Variants in NREP observed in about 807,000 individuals in gnomAD.
NREP encodes neuronal regeneration related protein.
In NREP, 5 loss-of-function variants were observed where a neutral mutation model predicts 8.6. The observed-to-expected ratio is 0.58, with a 90% CI of 0.30 to 1.22. The LOEUF is 1.22. Among genes scored for constraint, NREP ranks in the 50% most tolerant of loss-of-function variants. The probability of loss-of-function intolerance (pLI) is 0.07; values close to 1 mark genes in which losing one functional copy is unlikely to be tolerated. For synonymous variants in NREP, 27 were observed against 28.0 expected (o/e 0.96, Z 0.11); for missense variants, 86 against 82.5 (o/e 1.04, Z -0.17).
chr5:111,794,530 G>T (rs991469521), intron 2 of NREP, among the ~76,000 whole-genome samples: 1 of 152,226 alleles, frequency 6.6e-6, no homozygotes, highest in Non-Finnish European at 1.5e-5. Context: ...GAAAAGACGC[G>T]AAGGAAACTT....
intron 2 of NREP, among the ~76,000 whole-genome samples, chr5:111,881,983 T>C (rs1371429333): frequency 1.3e-5 from 2 of 152,216 alleles, no homozygotes; most frequent in Admixed American, 6.5e-5. Flanking sequence ...GGACAGAGAA[T>C]GACTTTGACG....
intron 2 of NREP, among the ~76,000 whole-genome samples, chr5:111,838,217 T>C (rs1013834509): frequency 2.0e-5 from 3 of 152,184 alleles, no homozygotes; most frequent in African/African-American, 7.2e-5. Flanking sequence ...ATTCTTTTTA[T>C]TTGCAGAATG....
chr5:111,880,837 T>C (rs1213327234), intron 2 of NREP, among the ~76,000 whole-genome samples: 1 of 144,680 alleles, frequency 6.9e-6, no homozygotes, highest in African/African-American at 2.6e-5. Flanking sequence ...CCCAGGCTCA[T>C]AGAGGCAGCC....
chr5:111,911,215 T>C (rs186125967), intron 2 of NREP, among the ~76,000 whole-genome samples: 2 of 152,230 alleles, frequency 1.3e-5, no homozygotes, highest in Non-Finnish European at 2.9e-5. Context: ...CTGTACCCAA[T>C]GTTCTTGATA....
chr5:111,967,661 C>T (rs1157375929), intron 2 of NREP, among the ~76,000 whole-genome samples: 3 of 152,166 alleles, frequency 2.0e-5, no homozygotes, highest in African/African-American at 4.8e-5. Flanking sequence ...TGAGGAGCGC[C>T]TCTGCCCAGC....
At chr5:111,732,644 A>G (rs899102795) in intron 3 of NREP, 1 of 143,866 alleles carries the variant, frequency 7.0e-6, no homozygotes, top group South Asian at 2.3e-4. Flanking sequence ...GAATCTTGGT[A>G]CACAGTCCCA....
Position 111,854,601 on chromosome 5 carries a change from A to G in NREP, c.136-119094T>C, listed in dbSNP as rs182691997. Among the ~76,000 whole-genome samples, 380 of 152,300 alleles carry G rather than the reference A, an allele frequency of 2.5e-3. 2 individuals carry two copies. Among genetic ancestry groups the G allele is most frequent in the Non-Finnish European group, 4.5e-3 (304 of 68,014 alleles). On this transcript the variant is annotated intron_variant, in intron 2 of 3. Coordinates refer to the NREP transcript ENST00000395634. ...CACCATCCTGTGATTCCAAATTCCA[A>G]TTCAGTGGTTTTCCAGAGCTGAAAT...
At chr5:111,881,310 A>C (rs1010528009) in intron 2 of NREP, among the ~76,000 whole-genome samples, 1 of 152,170 alleles carries the variant, frequency 6.6e-6, no homozygotes, top group Non-Finnish European at 1.5e-5. Context: ...GCTTAGGTAA[A>C]CAAAGCAGCC....
intron 2 of NREP, among the ~76,000 whole-genome samples, chr5:111,763,458 C>A (rs978948402): frequency 5.9e-5 from 9 of 152,134 alleles, no homozygotes; most frequent in Admixed American, 5.9e-4. Flanking sequence ...GTATTTTACT[C>A]AACACCTGGA....
chr5:111,927,374 G>T (rs895368193), intron 2 of NREP, among the ~76,000 whole-genome samples: 5 of 152,058 alleles, frequency 3.3e-5, no homozygotes, highest in African/African-American at 1.2e-4. Context: ...AATGACCAGT[G>T]TCCATTATCT....
chr5:111,882,419 C>G (rs1581188344), intron 2 of NREP, among the ~76,000 whole-genome samples: 1 of 152,160 alleles, frequency 6.6e-6, no homozygotes, highest in African/African-American at 2.4e-5. Flanking sequence ...GGATATTATC[C>G]AGGAGAACTT....
chr5:111,849,046 C>A (rs1412131544), intron 2 of NREP, among the ~76,000 whole-genome samples: 1 of 152,110 alleles, frequency 6.6e-6, no homozygotes, highest in African/African-American at 2.4e-5. Context: ...CCTCTTTGCT[C>A]AATGAGCTGA....
intron 2 of NREP, among the ~76,000 whole-genome samples, chr5:111,879,262 T>C (rs1451768881): frequency 6.6e-6 from 1 of 152,178 alleles, no homozygotes; most frequent in Non-Finnish European, 1.5e-5. Context: ...CAAACACATC[T>C]AGTTTTTTGA....
intron 2 of NREP, among the ~76,000 whole-genome samples, chr5:111,743,029 A>G (rs552564064): frequency 4.9e-4 from 74 of 152,268 alleles, no homozygotes; most frequent in African/African-American, 1.7e-3. Context: ...TTTTCTTTTC[A>G]GCAATGAAGA....
intron 2 of NREP, among the ~76,000 whole-genome samples, chr5:111,831,809 G>C (rs1365906669): frequency 6.6e-6 from 1 of 152,162 alleles, no homozygotes; most frequent in Non-Finnish European, 1.5e-5. Context: ...AGGGAAGTCT[G>C]GTTGGCACGC....
intron 2 of NREP, among the ~76,000 whole-genome samples, chr5:111,945,893 G>T (rs867538236): frequency 1.4e-3 from 207 of 151,976 alleles, no homozygotes; most frequent in African/African-American, 4.9e-3. Context: ...ATTTACTGTA[G>T]ATTGGCTCAC....
chr5:111,856,009 G>A (rs138299010), intron 2 of NREP, among the ~76,000 whole-genome samples: 498 of 152,242 alleles, frequency 3.3e-3, no homozygotes, highest in African/African-American at 0.011. Flanking sequence ...GGCCAGCTTT[G>A]GTTAACTTGC....
At chr5:111,924,522 G>C (rs1209221476) in intron 2 of NREP, among the ~76,000 whole-genome samples, 2 of 152,070 alleles carry the variant, frequency 1.3e-5, no homozygotes, top group African/African-American at 4.8e-5. Flanking sequence ...CAGGTATTTG[G>C]ATTAGCAAAG....
intron 2 of NREP, among the ~76,000 whole-genome samples, chr5:111,879,904 C>T (rs1410223064): frequency 1.3e-5 from 2 of 152,166 alleles, no homozygotes; most frequent in Non-Finnish European, 2.9e-5. Context: ...TTCATGAGGG[C>T]CCCATCCTCT....
Sources: allele counts gnomAD v4.1 joint callset (sites outside exome capture counted in the v4.1 genomes callset), GRCh38; gene constraint gnomAD v4.1.1; transcripts MANE v1.5; gene names NCBI Gene and HGNC (gene_info 2026-07-23, HGNC 2026-07-21).